The following PPP2R5E variants were observed in gnomAD, a reference collection of about 807,000 sequenced individuals.
PPP2R5E encodes the protein protein phosphatase 2 regulatory subunit B'epsilon.
PPP2R5E carries 4 observed loss-of-function variants against 65.3 expected under a neutral mutation model. The observed-to-expected ratio is 0.06, with a 90% CI of 0.03 to 0.14. The LOEUF (loss-of-function observed/expected upper bound fraction) is 0.14, where lower values mean the gene tolerates loss of function less well. Ranked by LOEUF, PPP2R5E falls within the 10% of genes least tolerant of loss-of-function variation. PPP2R5E has a pLI of 1.00. For missense variants in PPP2R5E, 274 were observed against 556.1 expected (o/e 0.49, Z 5.10); for synonymous variants, 183 against 187.4 (o/e 0.98, Z 0.19).
chr14:63,451,186 A>G (rs570312762), intron 3 of PPP2R5E: 5 of 152,330 alleles, frequency 3.3e-5, no homozygotes, highest in South Asian at 2.1e-4. Flanking sequence ...CTTACCATAC[A>G]ATACATACAG....
intron 2 of PPP2R5E, among the ~76,000 whole-genome samples, chr14:63,469,520 A>G (rs1196213670): frequency 2.6e-5 from 4 of 151,684 alleles, no homozygotes; most frequent in Admixed American, 6.6e-5. Flanking sequence ...GTGAAAACCC[A>G]TCTCTACTAA....
At position 63,382,526 on chromosome 14, in the gene PPP2R5E, T is replaced by C. The variant is rs543884609; in HGVS notation, c.1203-369A>G. Among the ~76,000 whole-genome samples, 9 of 152,120 alleles carry C rather than the reference T, an allele frequency of 5.9e-5. No individual in the cohort carries two copies. The South Asian group carries it at 1.9e-3, about 32-fold the overall frequency. ...AAGCAATTCTCCTGCCTCAGTCTCC[T>C]GGGTAGCTGGGATTACAGAAGCGAG... On this transcript the variant is annotated intron_variant, in intron 12 of 13. Transcript: ENST00000337537.
At chr14:63,379,031 C>CTT (rs72440800) in intron 13 of PPP2R5E, among the ~76,000 whole-genome samples, 2 of 143,158 alleles carry the variant, frequency 1.4e-5, no homozygotes, top group African/African-American at 2.6e-5. Flanking sequence ...AACCCATTTT[C>CTT]TTTTTTTTTT....
chr14:63,516,656 G>A (rs368350788), intron 2 of PPP2R5E, among the ~76,000 whole-genome samples: 78 of 152,204 alleles, frequency 5.1e-4, no homozygotes, highest in African/African-American at 9.6e-4. Context: ...CACCAATCCC[G>A]ATGTTTCACA....
intron 13 of PPP2R5E, among the ~76,000 whole-genome samples, chr14:63,376,335 T>A (rs1320344643): frequency 1.3e-5 from 2 of 152,194 alleles, no homozygotes; most frequent in Non-Finnish European, 2.9e-5. Context: ...GAATCTTAAT[T>A]TTTCTTTATC....
chr14:63,422,728 TTAAAAAAAAA>T (rs1663430721), intron 3 of PPP2R5E, among the ~76,000 whole-genome samples: 2 of 109,222 alleles, frequency 1.8e-5, no homozygotes, highest in Admixed American at 1.8e-4. Context: ...CTCCGTCTAT[TTAAAAAAAAA>T]AAAAAAAAAA....
In PPP2R5E at chr14:63,443,829, A is replaced by G. The variant is rs527437241; in HGVS notation, c.354+9860T>C. Among the ~76,000 whole-genome samples the G allele has an allele frequency of 2.0e-5, 3 of 152,170 alleles. No homozygotes were observed. The East Asian group carries it at 5.8e-4, about 29-fold the overall frequency. On this transcript the variant is annotated intron_variant, in intron 3 of 13. Transcript: ENST00000337537. ...GACTCCTTCCTCTCTCACACTCCAA[A>G]AGTTCACATAAATGCTAACAAGCAG...
intron 2 of PPP2R5E, among the ~76,000 whole-genome samples, chr14:63,523,317 T>C (rs1893042787): frequency 6.6e-6 from 1 of 151,948 alleles, no homozygotes; most frequent in Non-Finnish European, 1.5e-5. Context: ...GCCGTGTTTG[T>C]GTAGTAGGAG....
intron 2 of PPP2R5E, among the ~76,000 whole-genome samples, chr14:63,512,109 C>T (rs1229052234): frequency 7.3e-6 from 1 of 137,784 alleles, no homozygotes; most frequent in East Asian, 2.2e-4. Flanking sequence ...AAAAAAGAAT[C>T]TCAGAACACT....
intron 1 of PPP2R5E, among the ~76,000 whole-genome samples, 171 bp downstream of exon 1, chr14:63,542,608 G>A (rs1893945852): frequency 6.6e-6 from 1 of 152,190 alleles, no homozygotes; most frequent in Non-Finnish European, 1.5e-5. Flanking sequence ...AGAAGCATTT[G>A]TAGGTAAATC....
chr14:63,410,384 G>A (rs555160058), intron 5 of PPP2R5E, among the ~76,000 whole-genome samples: 37 of 152,306 alleles, frequency 2.4e-4, no homozygotes, highest in Non-Finnish European at 4.1e-4. Context: ...GCAAGGACAA[G>A]CGGGGGTGTG....
intron 4 of PPP2R5E, among the ~76,000 whole-genome samples, chr14:63,419,463 A>G (rs1314621845): frequency 6.6e-6 from 1 of 152,236 alleles, no homozygotes; most frequent in Non-Finnish European, 1.5e-5. Context: ...TATGACATGA[A>G]TGACCTATCA....
chr14:63,524,538 A>C (rs1893100796), intron 2 of PPP2R5E, among the ~76,000 whole-genome samples: 1 of 152,208 alleles, frequency 6.6e-6, no homozygotes, highest in Non-Finnish European at 1.5e-5. Flanking sequence ...CTAGACTTGA[A>C]CCCAGACCCT....
intron 2 of PPP2R5E, among the ~76,000 whole-genome samples, chr14:63,469,634 C>A (rs915883107): frequency 6.6e-6 from 1 of 152,164 alleles, no homozygotes; most frequent in African/African-American, 2.4e-5. Context: ...GCGGAGCTGG[C>A]AGTGAGCCGA....
Position 63,539,573 on chromosome 14 carries a change from G to T in PPP2R5E, c.113C>A (p.Ser38Tyr), listed in dbSNP as rs1893804522. 1 of 1,614,106 alleles carries T rather than the reference G, an allele frequency of 6.2e-7. No homozygotes were observed. The highest frequency in any genetic ancestry group is 8.5e-7 in the Non-Finnish European group (1 of 1,179,970). The change falls in exon 2 of 14, where the codon TCT becomes TAT. Residue 38 changes from serine (S) to tyrosine (Y), a missense_variant. This residue lies in a region of PPP2R5E where 58 missense variants were observed against 64.8 expected (regional missense o/e 0.90). Coordinates refer to ENST00000337537, the MANE Select transcript of PPP2R5E (RefSeq NM_006246.5). ...KRSQSSSQFR[S>Y]QGKPIELTPL... ...TGTTAACTCAATAGGCTTGCCTTGA[G>T]ACCTAAACTGTGAGGAACTTTGCGA...
intron 2 of PPP2R5E, among the ~76,000 whole-genome samples, chr14:63,472,172 C>T (rs1182505409): frequency 2.0e-5 from 3 of 152,086 alleles, no homozygotes; most frequent in East Asian, 1.9e-4. Context: ...TGGTGACAGG[C>T]GCCTGTAATC....
chr14:63,511,452 G>A (rs997464478), intron 2 of PPP2R5E, among the ~76,000 whole-genome samples: 3 of 152,190 alleles, frequency 2.0e-5, no homozygotes, highest in Admixed American at 2.0e-4. Context: ...CAGAGGAGAA[G>A]AGAACCATCA....
At chr14:63,390,336 G>A (rs1452563821) in intron 10 of PPP2R5E, among the ~76,000 whole-genome samples, 3 of 128,822 alleles carry the variant, frequency 2.3e-5, no homozygotes, top group South Asian at 2.4e-4. Context: ...ACACACACAC[G>A]CTTGCTCTCT....
At chr14:63,528,167 C>T (rs1485315471) in intron 2 of PPP2R5E, among the ~76,000 whole-genome samples, 1 of 152,048 alleles carries the variant, frequency 6.6e-6, no homozygotes, top group African/African-American at 2.4e-5. Flanking sequence ...TTAGCCTATT[C>T]GAAATATCTA....
Sources: gnomAD v4.1 joint callset for allele counts (sites outside exome capture counted in the v4.1 genomes callset) on GRCh38, gnomAD v4.1.1 for gene constraint, gnomAD v4.1.1 regional missense constraint, MANE v1.5 for transcripts, NCBI Gene and HGNC (gene_info 2026-07-23, HGNC 2026-07-21) for gene names.